Variants in EXT1 observed in about 807,000 individuals in gnomAD.
EXT1 encodes the protein exostosin glycosyltransferase 1.
In EXT1, 20 loss-of-function variants were observed where a neutral mutation model predicts 82.5. The observed-to-expected ratio is 0.24, with a 90% confidence interval of 0.17 to 0.35. The LOEUF is 0.35. Among genes scored for constraint, EXT1 ranks in the 10% least tolerant of loss-of-function variants. EXT1 has a pLI of 1.00. For synonymous variants in EXT1, 348 were observed against 350.8 expected, an observed-to-expected ratio of 0.99 and a Z score of 0.09; for missense variants, 757 against 936.5, an observed-to-expected ratio of 0.81 and a Z score of 2.50.
intron 1 of EXT1, among the ~76,000 whole-genome samples, chr8:117,868,639 G>A (rs1421727181): frequency 4.0e-5 from 6 of 151,744 alleles, no homozygotes; most frequent in Non-Finnish European, 8.8e-5. Flanking sequence ...TTGTAGAGAC[G>A]AGGTCCCACT....
rs1169918925 is a variant in EXT1, at chr8:117,797,363, C to T, written c.*2349G>A. On this transcript the variant is annotated 3_prime_UTR_variant, in exon 11 of 11. Transcript: ENST00000378204. ...TATATCCTGTTCTTATTTATAATTA[C>T]CATTTTTCTTCACATAACACATGTT... The T allele has an allele frequency of 6.6e-6, 1 of 152,188 alleles. No individual in the cohort carries two copies. Among genetic ancestry groups the T allele is most frequent in the Non-Finnish European group, 1.5e-5 (1 of 68,034 alleles). The allele number at this position is 152,188 out of a possible 1,614,324, so 9.4% of individuals were successfully genotyped here.
chr8:118,005,729 T>C (rs977817085), intron 1 of EXT1, among the ~76,000 whole-genome samples: 2 of 152,210 alleles, frequency 1.3e-5, no homozygotes, highest in African/African-American at 4.8e-5. Flanking sequence ...TACTTTTTCT[T>C]CTACGTCACA....
At chr8:117,958,115 CT>C (rs34055315) in intron 1 of EXT1, among the ~76,000 whole-genome samples, 72,981 of 149,256 alleles carry the variant, frequency 0.49, 19,245 homozygotes, top group Admixed American at 0.63. Context: ...GTTACCAAGT[CT>C]TTTTTTTTTT....
intron 1 of EXT1, among the ~76,000 whole-genome samples, chr8:118,102,260 C>T (rs986903782): frequency 3.3e-5 from 5 of 151,532 alleles, no homozygotes; most frequent in Non-Finnish European, 7.4e-5. Context: ...GAGCAAGACT[C>T]TGTCTCAAAA....
rs538832380 is a variant in EXT1 at position 118,049,018 on chromosome 8, A to C, written c.962+61067T>G. Among the ~76,000 whole-genome samples the C allele has an allele frequency of 7.9e-5, 12 of 152,346 alleles. No individual in the cohort carries two copies. The South Asian group carries it at 2.5e-3, about 32-fold the overall frequency. On this transcript the variant is annotated intron_variant, in intron 1 of 10. Coordinates refer to ENST00000378204, the MANE Select transcript of EXT1 (RefSeq NM_000127.3). ...CTCTGATACCCACTCCCCCCAGAAG[A>C]AATCCCAAATTGTAAAAGGTTTGAA... is the stretch of plus-strand genomic sequence containing the variant.
chr8:118,037,433 A>AGTG (rs940139582), intron 1 of EXT1, among the ~76,000 whole-genome samples: 27 of 148,898 alleles, frequency 1.8e-4, no homozygotes, highest in African/African-American at 6.2e-4. Context: ...GCTGGAGTGC[A>AGTG]GTGGTGCAAT....
Position 117,906,721 on chromosome 8 carries a change from G to A in EXT1, c.963-69520C>T, listed in dbSNP as rs770995922. 5.9e-5 allele frequency among the ~76,000 whole-genome samples: 9 copies of A among 152,078 alleles called. No individual in the cohort carries two copies. The East Asian group carries it at 1.5e-3, about 26-fold the overall frequency. ...CATCATGAACACTTGAAAAATTCACGAATTAAAAATGTCTTACAGGGAAAG... is the reference window on the plus strand; with the variant it reads ...CATCATGAACACTTGAAAAATTCACAAATTAAAAATGTCTTACAGGGAAAG... On this transcript the variant is annotated intron_variant, in intron 1 of 10. Coordinates refer to ENST00000378204, the MANE Select transcript of EXT1 (RefSeq NM_000127.3).
chr8:117,804,818 C>T lies in EXT1; in HGVS notation c.1959G>A (p.Glu653=), dbSNP rs142710059. The T allele has an allele frequency of 7.3e-4, 1,173 of 1,614,130 alleles. 10 individuals carry two copies. The African/African-American group carries it at 0.014, about 19-fold the overall frequency. Residue 653 remains glutamate, a synonymous_variant, in exon 10 of 11, where the codon GAG becomes GAA. Coordinates refer to ENST00000378204, the MANE Select transcript of EXT1 (RefSeq NM_000127.3). ...KNMVDQLANC[E]DILMNFLVSA... ...ACACCAGGAAGTTCATGAGAATGTC[C>T]TCACAATTGGCCAATTGGTCCACCA...
intron 1 of EXT1, among the ~76,000 whole-genome samples, chr8:117,992,476 T>C (rs1198695781): frequency 1.4e-5 from 2 of 144,304 alleles, no homozygotes; most frequent in East Asian, 2.0e-4. Context: ...TTCAAGCAGA[T>C]GGATATAGGA....
rs886062642 is a variant in EXT1, at chr8:118,111,701, G to T, written c.-655C>A. 1.0e-3 allele frequency: 165 copies of T among 158,336 alleles called. No individual in the cohort carries two copies. Among genetic ancestry groups the T allele is most frequent in the Non-Finnish European group, 2.0e-3 (148 of 73,116 alleles). The allele number at this position is 158,336 out of a possible 1,614,324, so 9.8% of individuals were successfully genotyped here. A position where few individuals can be genotyped will look rare whatever the true frequency, so the allele number is the denominator to read the frequency against. ...GACGCGCGGCGGCCCGGCTGGAGGCGGCGGCGGCGGCGGCGCTGGGTGGCG... is the reference window on the plus strand; with the variant it reads ...GACGCGCGGCGGCCCGGCTGGAGGCTGCGGCGGCGGCGGCGCTGGGTGGCG... On this transcript the variant is annotated 5_prime_UTR_variant, in exon 1 of 11. Transcript: ENST00000378204.
chr8:117,968,838 G>A (rs1011034248), intron 1 of EXT1, among the ~76,000 whole-genome samples: 1 of 64,374 alleles, frequency 1.6e-5, no homozygotes, highest in East Asian at 3.2e-4. Flanking sequence ...CAAAGTGCTG[G>A]GATTACAGGC....
intron 1 of EXT1, among the ~76,000 whole-genome samples, chr8:117,991,001 T>C (rs968794887): frequency 1.3e-4 from 20 of 152,244 alleles, no homozygotes; most frequent in African/African-American, 3.9e-4. Flanking sequence ...GTGTTCATTA[T>C]GCCTGTTTAC....
chr8:118,061,735 T>C (rs1202220223), intron 1 of EXT1, among the ~76,000 whole-genome samples: 12 of 152,224 alleles, frequency 7.9e-5, no homozygotes, highest in Non-Finnish European at 1.6e-4. Flanking sequence ...ATATGTTTAG[T>C]TGGTAAGCCA....
intron 1 of EXT1, among the ~76,000 whole-genome samples, chr8:118,008,567 G>A (rs1350808947): frequency 6.6e-6 from 1 of 152,048 alleles, no homozygotes; most frequent in Non-Finnish European, 1.5e-5. Context: ...TTTATATACA[G>A]ACTTACTTGT....
chr8:117,872,196 T>A (rs1812886168), intron 1 of EXT1, among the ~76,000 whole-genome samples: 1 of 151,840 alleles, frequency 6.6e-6, no homozygotes, highest in African/African-American at 2.4e-5. Flanking sequence ...AAAAATAAGA[T>A]GATGATACAT....
chr8:118,074,625 GC>G (rs71695944), intron 1 of EXT1, among the ~76,000 whole-genome samples: 3,489 of 151,940 alleles, frequency 0.023, 138 homozygotes, highest in African/African-American at 0.08. Context: ...AATTGAGCGA[GC>G]CCGGGGCTTT....
At position 118,089,433 on chromosome 8, in the gene EXT1, A is replaced by T. The variant is rs574904919; in HGVS notation, c.962+20652T>A. On this transcript the variant is annotated intron_variant, in intron 1 of 10. Transcript: ENST00000378204. Reference sequence around the variant, plus strand: ...GACATGGAATCGTGTTTGATATATGATTAATCTTCTTTTCTAATAAGAGAA... The same window carrying T: ...GACATGGAATCGTGTTTGATATATGTTTAATCTTCTTTTCTAATAAGAGAA... Among the ~76,000 whole-genome samples, 10 of 152,338 alleles carry T rather than the reference A, an allele frequency of 6.6e-5. No individual in the cohort carries two copies. The South Asian group carries it at 2.1e-3, about 32-fold the overall frequency.
At chr8:118,074,198 T>C (rs1188547197) in intron 1 of EXT1, among the ~76,000 whole-genome samples, 1 of 152,018 alleles carries the variant, frequency 6.6e-6, no homozygotes, top group Admixed American at 6.5e-5. Context: ...AAGCAACCAA[T>C]AGGAAAATAT....
chr8:117,831,695 G>A (rs1563574125), intron 3 of EXT1: 1 of 470,788 alleles, frequency 2.1e-6, no homozygotes, highest in Non-Finnish European at 4.4e-6. Context: ...GCTTTAATAG[G>A]AAAGTCACCC....
Sources: gnomAD v4.1 joint callset for allele counts (sites outside exome capture counted in the v4.1 genomes callset) on GRCh38, gnomAD v4.1.1 for gene constraint, MANE v1.5 for transcripts, NCBI Gene and HGNC (gene_info 2026-07-23, HGNC 2026-07-21) for gene names.